The following LAMA3 variants were observed in gnomAD, a reference collection of about 807,000 sequenced individuals.
The protein encoded by LAMA3 is laminin subunit alpha 3, also known as laminin subunit alpha-3.
In LAMA3, 281 loss-of-function variants were observed where a neutral mutation model predicts 402.0. The ratio of observed to expected loss-of-function variants is 0.70; its 90% confidence interval spans 0.63 to 0.77. The LOEUF (loss-of-function observed/expected upper bound fraction) is 0.77. Ranked by LOEUF, LAMA3 falls within the 30% of genes least tolerant of loss-of-function variation. The pLI is 0.00. For missense variants in LAMA3, 3,840 were observed against 4,215.5 expected, an observed-to-expected ratio of 0.91 and a Z score of 2.47; for synonymous variants, 1,431 against 1,558.4, an observed-to-expected ratio of 0.92 and a Z score of 1.93.
chr18:23,723,285 G>A (rs1188572137), intron 2 of LAMA3, among the ~76,000 whole-genome samples: 1 of 152,166 alleles, frequency 6.6e-6, no homozygotes, highest in Non-Finnish European at 1.5e-5. Flanking sequence ...TCTGATGCAA[G>A]ATACTCACCA....
At chr18:23,814,339 G>T (rs768287422) in intron 14 of LAMA3, 64 bp from the exon 15 acceptor site, 12 of 1,205,862 alleles carry the variant, frequency 1.0e-5, no homozygotes, top group Non-Finnish European at 1.5e-5. Context: ...CTTTGCTCAC[G>T]CACAGGTTTG....
Position 23,916,709 on chromosome 18 carries a change from A to G in LAMA3, c.7923+14A>G. On this transcript the variant is annotated intron_variant, in intron 60 of 74. Transcript: ENST00000313654. ...GCAGAAAACGGGGTAATCTATAACA[A>G]GCATCCAGATACAACCAAATATATT... 2 of 1,613,704 alleles carry G rather than the reference A, an allele frequency of 1.2e-6. No individual in the cohort carries two copies. Among genetic ancestry groups the G allele is most frequent in the Non-Finnish European group, 1.7e-6 (2 of 1,179,634 alleles).
intron 27 of LAMA3, among the ~76,000 whole-genome samples, chr18:23,841,440 G>GAGGGCCAGCC (rs1302879455): frequency 2.0e-5 from 3 of 152,272 alleles, no homozygotes; most frequent in African/African-American, 7.2e-5. Flanking sequence ...GGAGTGGAGG[G>GAGGGCCAGCC]AGGGCCAGCC....
chr18:23,785,645 T>G (rs8096539), intron 12 of LAMA3, among the ~76,000 whole-genome samples: 37,235 of 152,062 alleles, frequency 0.24, 6,784 homozygotes, highest in East Asian at 0.64. Flanking sequence ...TGTAGTCCCA[T>G]TTCCAGCCAT....
intron 14 of LAMA3, among the ~76,000 whole-genome samples, chr18:23,813,999 T>C (rs1374126380): frequency 6.6e-6 from 1 of 152,220 alleles, no homozygotes; most frequent in Non-Finnish European, 1.5e-5. Context: ...CTGTGAATCT[T>C]GCATATTACA....
chr18:23,800,341 T>C (rs1250114540), intron 12 of LAMA3, among the ~76,000 whole-genome samples: 1 of 152,190 alleles, frequency 6.6e-6, no homozygotes, highest in Non-Finnish European at 1.5e-5. Context: ...ATTAAGTCAA[T>C]ACATCTTAGG....
At chr18:23,915,197 A>G (rs763028941) in intron 58 of LAMA3, 92 bp from the exon 59 acceptor site, 11 of 1,383,468 alleles carry the variant, frequency 8.0e-6, no homozygotes, top group Non-Finnish European at 1.1e-5. Context: ...ATTAACCCTT[A>G]TGCCATAGTG....
intron 23 of LAMA3, among the ~76,000 whole-genome samples, chr18:23,828,062 T>C (rs1322102244): frequency 1.3e-5 from 2 of 152,348 alleles, no homozygotes; most frequent in East Asian, 3.9e-4. Context: ...GAGTTAGAGC[T>C]ATAGGATATC....
At chr18:23,812,172 C>T (rs973149329) in intron 13 of LAMA3, among the ~76,000 whole-genome samples, 1 of 152,146 alleles carries the variant, frequency 6.6e-6, no homozygotes, top group African/African-American at 2.4e-5. Flanking sequence ...CACTCCCAGC[C>T]TCTAGAAAAT....
intron 42 of LAMA3, among the ~76,000 whole-genome samples, chr18:23,893,466 C>T (rs759735549): frequency 6.6e-6 from 1 of 151,884 alleles, no homozygotes; most frequent in Non-Finnish European, 1.5e-5. Context: ...GCCTGTAGTC[C>T]CAGCTACTTG....
intron 39 of LAMA3, among the ~76,000 whole-genome samples, chr18:23,878,045 G>A (rs73400328): frequency 0.045 from 6,917 of 152,254 alleles, 376 homozygotes; most frequent in African/African-American, 0.13. Flanking sequence ...CCCAGGAGGC[G>A]GAGCTTGCAA....
At chr18:23,811,472 G>T (rs763719319) in intron 13 of LAMA3, among the ~76,000 whole-genome samples, 1 of 152,166 alleles carries the variant, frequency 6.6e-6, no homozygotes. Flanking sequence ...AGAGGTGGGT[G>T]CTTGCCTTTC....
At chr18:23,807,948 A>G (rs2062995215) in intron 12 of LAMA3, among the ~76,000 whole-genome samples, 1 of 152,164 alleles carries the variant, frequency 6.6e-6, no homozygotes, top group East Asian at 1.9e-4. Flanking sequence ...AGCTGGGACT[A>G]TGGGCCATGA....
At chr18:23,899,882 T>A (rs1321601326) in intron 47 of LAMA3, among the ~76,000 whole-genome samples, 1 of 152,182 alleles carries the variant, frequency 6.6e-6, no homozygotes, top group Non-Finnish European at 1.5e-5. Flanking sequence ...CAGACGTGTT[T>A]CAGATTTTTG....
intron 69 of LAMA3, among the ~76,000 whole-genome samples, chr18:23,944,598 A>C (rs1459155955): frequency 6.6e-6 from 1 of 152,206 alleles, no homozygotes; most frequent in Non-Finnish European, 1.5e-5. Flanking sequence ...TATTTTAAAT[A>C]AGGCAGTAGA....
chr18:23,939,342 C>T lies in LAMA3; in HGVS notation c.8982C>T (p.Thr2994=), dbSNP rs2082415533. The T allele has an allele frequency of 6.2e-7, 1 of 1,614,210 alleles. No homozygotes were observed. The change falls in exon 68 of 75, where the codon ACC becomes ACT. Residue 2994 remains threonine (T), a synonymous_variant. Transcript: ENST00000313654. ...HGALQFGDIP[T]SHLLFKLPQE... ...CCCTCCAGTTTGGGGACATTCCCAC[C>T]AGCCACTTGCTATTCAAGCTTCCTC...
At chr18:23,789,312 A>G (rs910646518) in intron 12 of LAMA3, among the ~76,000 whole-genome samples, 1 of 152,310 alleles carries the variant, frequency 6.6e-6, no homozygotes, top group Non-Finnish European at 1.5e-5. Context: ...CAACAGATCT[A>G]TTCTTCAGTG....
At chr18:23,844,468 C>G (rs551842334) in intron 29 of LAMA3, among the ~76,000 whole-genome samples, 11 of 152,330 alleles carry the variant, frequency 7.2e-5, no homozygotes, top group African/African-American at 2.6e-4. Context: ...CAGGCCCCTG[C>G]TTACCCTTAA....
At position 23,842,396 on chromosome 18, in the gene LAMA3, A is replaced by G; in HGVS notation, c.3338A>G (p.Asn1113Ser). 1 of 1,614,026 alleles carries G rather than the reference A, an allele frequency of 6.2e-7. No homozygotes were observed. The highest frequency in any genetic ancestry group is 1.3e-5 in the African/African-American group (1 of 74,976). ...LPGVTLKAPQ[N>S]QVTLRGRVPH... ...TTTCCTCCTCTTTTTTCCTCTTAGA[A>G]TCAAGTGACCCTGAGAGGACGTGTA... is the stretch of plus-strand genomic sequence containing the variant. Residue 1113 changes from asparagine (N) to serine (S), a missense_variant and splice_region_variant, in exon 28 of 75, where the codon AAT (asparagine) becomes AGT (serine). Around this residue, in one of 3 missense-constraint regions of LAMA3, gnomAD observed 2,109 missense variants for 2,376.0 expected, o/e 0.89. Coordinates refer to ENST00000313654, the MANE Select transcript of LAMA3 (RefSeq NM_198129.4).
Sources: gnomAD v4.1 joint callset for allele counts (sites outside exome capture counted in the v4.1 genomes callset) on GRCh38, gnomAD v4.1.1 for gene constraint, gnomAD v4.1.1 regional missense constraint, MANE v1.5 for transcripts, NCBI Gene and HGNC (gene_info 2026-07-23, HGNC 2026-07-21) for gene names.